Variants in COP1 observed in about 807,000 individuals in gnomAD.
The protein encoded by COP1 is COP1 E3 ubiquitin ligase, also known as E3 ubiquitin-protein ligase COP1.
A neutral mutation model predicts 101.3 loss-of-function variants in COP1; 24 were observed. The ratio of observed to expected loss-of-function variants is 0.24; its 90% confidence interval spans 0.17 to 0.33. The LOEUF (loss-of-function observed/expected upper bound fraction) is 0.33, where lower values mean the gene tolerates loss of function less well. Ranked by LOEUF, COP1 falls within the 10% of genes least tolerant of loss-of-function variation. The pLI, the probability that COP1 is intolerant of heterozygous loss-of-function variation, is 1.00. For synonymous variants in COP1, 347 were observed against 341.9 expected (o/e 1.01, Z -0.17); for missense variants, 663 against 906.2 (o/e 0.73, Z 3.45).
chr1:175,988,180 T>C, intron 17 of COP1, 108 bp downstream of exon 17: 1 of 1,040,680 alleles, frequency 9.6e-7, no homozygotes, highest in Non-Finnish European at 1.4e-6. Flanking sequence ...TACTATCTTC[T>C]GAGTGCACAG....
intron 18 of COP1, among the ~76,000 whole-genome samples, chr1:175,983,030 T>C (rs1028645582): frequency 6.6e-6 from 1 of 152,192 alleles, no homozygotes; most frequent in Non-Finnish European, 1.5e-5. Flanking sequence ...AATAAGATTT[T>C]AAATGTTCCC....
chr1:175,977,755 G>A (rs958438245), intron 18 of COP1, among the ~76,000 whole-genome samples: 1 of 152,014 alleles, frequency 6.6e-6, no homozygotes, highest in African/African-American at 2.4e-5. Flanking sequence ...CATTTTCTAA[G>A]CAAAACATAC....
At chr1:176,171,124 CAAAAAAAAA>C (rs1174700907) in intron 3 of COP1, among the ~76,000 whole-genome samples, 2 of 56,836 alleles carry the variant, frequency 3.5e-5, no homozygotes, top group South Asian at 7.2e-4. Flanking sequence ...GACTCCATCT[CAAAAAAAAA>C]AAAAAAAAAA....
intron 15 of COP1, among the ~76,000 whole-genome samples, chr1:176,000,490 C>A (rs1295020088): frequency 6.6e-6 from 1 of 152,098 alleles, no homozygotes; most frequent in East Asian, 1.9e-4. Context: ...AATGTCTGCA[C>A]TATGAAGTTA....
intron 14 of COP1, among the ~76,000 whole-genome samples, chr1:176,035,174 G>T (rs141157504): frequency 6.6e-6 from 1 of 151,932 alleles, no homozygotes; most frequent in Non-Finnish European, 1.5e-5. Flanking sequence ...AGCAACTATT[G>T]TAATTATACT....
intron 5 of COP1, among the ~76,000 whole-genome samples, chr1:176,156,497 A>T (rs1693471025): frequency 6.6e-6 from 1 of 152,148 alleles, no homozygotes; most frequent in Non-Finnish European, 1.5e-5. Flanking sequence ...AATTCACTGC[A>T]CTTATTAGAC....
intron 19 of COP1, among the ~76,000 whole-genome samples, chr1:175,945,680 T>G (rs1649078381): frequency 6.6e-6 from 1 of 152,190 alleles, no homozygotes; most frequent in African/African-American, 2.4e-5. Flanking sequence ...AGTAGTATAC[T>G]GTCATAAAAA....
chr1:176,094,281 A>G (rs1558095058), intron 9 of COP1, among the ~76,000 whole-genome samples: 1 of 152,090 alleles, frequency 6.6e-6, no homozygotes, highest in African/African-American at 2.4e-5. Flanking sequence ...CTTTACTCAA[A>G]AACTCTACAA....
intron 18 of COP1, among the ~76,000 whole-genome samples, chr1:175,974,977 A>T (rs1488209176): frequency 6.6e-6 from 1 of 151,938 alleles, no homozygotes; most frequent in Non-Finnish European, 1.5e-5. Context: ...TGCATAATTC[A>T]AATGCAATTC....
intron 15 of COP1, among the ~76,000 whole-genome samples, chr1:176,007,868 C>A (rs1003528232): frequency 6.6e-5 from 10 of 152,244 alleles, no homozygotes; most frequent in African/African-American, 1.9e-4. Context: ...GTGGTGGGCT[C>A]CACCCAGTTC....
At chr1:176,035,496 A>G (rs1370711048) in intron 14 of COP1, among the ~76,000 whole-genome samples, 1 of 152,074 alleles carries the variant, frequency 6.6e-6, no homozygotes, top group African/African-American at 2.4e-5. Context: ...TATGTGACAA[A>G]GTAGTTTTCA....
chr1:176,134,619 A>T (rs775750834), intron 8 of COP1, among the ~76,000 whole-genome samples: 11 of 152,046 alleles, frequency 7.2e-5, no homozygotes, highest in Non-Finnish European at 1.5e-4. Context: ...TGTCCAATAA[A>T]ATTTAACAAG....
At chr1:176,185,138 G>A (rs1377409176) in intron 1 of COP1, among the ~76,000 whole-genome samples, 2 of 151,660 alleles carry the variant, frequency 1.3e-5, no homozygotes, top group East Asian at 1.9e-4. Context: ...TTCTAGTTTC[G>A]ACAATGCTTG....
chr1:176,043,953 CA>C, intron 12 of COP1, 135 bp from the exon 13 acceptor site: 1 of 598,326 alleles, frequency 1.7e-6, no homozygotes, highest in South Asian at 2.1e-5. Context: ...ATTCTGCCCA[CA>C]ACATACCTGG....
At chr1:176,086,427 C>A (rs1006462241) in intron 9 of COP1, among the ~76,000 whole-genome samples, 1 of 151,878 alleles carries the variant, frequency 6.6e-6, no homozygotes, top group Non-Finnish European at 1.5e-5. Context: ...AGGGTTTCAC[C>A]GTGTTAGCCA....
rs200814695 is a variant in COP1, at chr1:176,133,226, G to A, written c.968+1784C>T. On this transcript the variant is annotated intron_variant, in intron 8 of 19. Transcript: ENST00000367669. The stretch of plus-strand genomic sequence containing the variant: ...CGTATGTACACACATACGTATATAC[G>A]TACGTATATGTACGTAGGTACACAC... Among the ~76,000 whole-genome samples, 337 of 55,872 alleles carry A rather than the reference G, an allele frequency of 6.0e-3. 3 individuals are homozygous for A. The highest frequency in any genetic ancestry group is 0.016 in the African/African-American group (313 of 19,232). 36.7% of individuals were successfully genotyped at this position (55,872 alleles called of 152,430 possible).
intron 5 of COP1, among the ~76,000 whole-genome samples, chr1:176,151,342 GGAAAGAAAGAAAAAGAAA>G (rs1359398691): frequency 3.5e-5 from 3 of 86,088 alleles, no homozygotes; most frequent in Admixed American, 1.3e-4. Flanking sequence ...AAAGAAGGAA[GGAAAGAAAGAAAAAGAAA>G]GAAAGAAAGA....
At chr1:175,955,766 C>CCCCACACACACA (rs1553275349) in intron 18 of COP1, among the ~76,000 whole-genome samples, 1 of 129,192 alleles carries the variant, frequency 7.7e-6, no homozygotes, top group Non-Finnish European at 1.6e-5. Flanking sequence ...TAGAGACAAA[C>CCCCACACACACA]CACACACACA....
At chr1:176,011,008 G>C (rs866162089) in intron 15 of COP1, among the ~76,000 whole-genome samples, 2 of 152,160 alleles carry the variant, frequency 1.3e-5, no homozygotes, top group African/African-American at 4.8e-5. Context: ...GTGAGGAACA[G>C]TGAAAAGAGA....
Sources: allele counts gnomAD v4.1 joint callset (sites outside exome capture counted in the v4.1 genomes callset), GRCh38; gene constraint gnomAD v4.1.1; transcripts MANE v1.5; gene names NCBI Gene and HGNC (gene_info 2026-07-23, HGNC 2026-07-21).